HTR2C: variants seen among roughly 807,000 people sequenced by gnomAD.
The protein encoded by HTR2C is 5-hydroxytryptamine receptor 2C.
A neutral mutation model predicts 21.0 loss-of-function variants in HTR2C; 5 were observed. That is an observed-to-expected ratio of 0.24 (90% CI 0.12 to 0.50). The LOEUF (loss-of-function observed/expected upper bound fraction) is 0.50. Ranked by LOEUF, HTR2C falls within the 20% of genes least tolerant of loss-of-function variation. The probability of loss-of-function intolerance (pLI) is 0.98; values close to 1 mark genes in which losing one functional copy is unlikely to be tolerated. For missense variants in HTR2C, 271 were observed against 371.2 expected, an observed-to-expected ratio of 0.73 and a Z score of 2.22; for synonymous variants, 150 against 145.3, an observed-to-expected ratio of 1.03 and a Z score of -0.23.
rs782209925 is a variant in HTR2C, at chrX:114,671,050, G to T, written c.-79-55808G>T. 7.2e-5 allele frequency among the ~76,000 whole-genome samples: 8 copies of T among 111,798 alleles called. 1 individual carries two copies. In the East Asian group the frequency reaches 2.2e-3, roughly 31 times the overall value. ...ATCATCACACTTATGTCATTTATTT[G>T]ATTTGTGAAACATTTTGGATCAATA... On this transcript the variant is annotated intron_variant, in intron 2 of 5. Coordinates refer to ENST00000276198, the MANE Select transcript of HTR2C (RefSeq NM_000868.4).
Position 114,802,267 on chromosome X carries a change from A to T in HTR2C, c.350-45736A>T, listed in dbSNP as rs903855124. Among the ~76,000 whole-genome samples, 8 of 111,327 alleles carry T rather than the reference A, an allele frequency of 7.2e-5. No homozygotes were observed. In the East Asian group the frequency reaches 2.3e-3, roughly 32 times the overall value. ...TGCATGAAGTTCCAAATACAAGATC[A>T]TGAACTTTCTTATCTATCTCTTTTA... On this transcript the variant is annotated intron_variant, in intron 4 of 5. Coordinates refer to ENST00000276198, the MANE Select transcript of HTR2C (RefSeq NM_000868.4).
At chrX:114,899,642 G>T (rs2071322558) in intron 5 of HTR2C, among the ~76,000 whole-genome samples, 1 of 107,751 alleles carries the variant, frequency 9.3e-6, no homozygotes, top group African/African-American at 3.7e-5. Flanking sequence ...GCTCTGTGTT[G>T]CTCCCAGGTG....
chrX:114,771,693 C>T (rs1041603809), intron 4 of HTR2C, among the ~76,000 whole-genome samples: 10 of 111,639 alleles, frequency 9.0e-5, no homozygotes, highest in East Asian at 2.8e-4. Flanking sequence ...TTGCCATTAC[C>T]GATGTATTCC....
intron 1 of HTR2C, among the ~76,000 whole-genome samples, chrX:114,592,552 C>T (rs1184401212): frequency 1.8e-5 from 2 of 111,728 alleles, no homozygotes; most frequent in Non-Finnish European, 3.8e-5. Flanking sequence ...CACTCTATCC[C>T]TTCTCCCAGA....
chrX:114,792,987 T>C (rs1381063337), intron 4 of HTR2C, among the ~76,000 whole-genome samples: 2 of 112,106 alleles, frequency 1.8e-5, no homozygotes, highest in Non-Finnish European at 3.8e-5. Context: ...CTTGTTCATT[T>C]AAGTTCCTTT....
chrX:114,604,172 C>T (rs1190273088), intron 1 of HTR2C, among the ~76,000 whole-genome samples: 18 of 108,354 alleles, frequency 1.7e-4, no homozygotes, highest in East Asian at 3.0e-4. Flanking sequence ...AAGAGGAGGA[C>T]GCAAAGGAGG....
chrX:114,757,624 A>G (rs782814019), intron 4 of HTR2C, among the ~76,000 whole-genome samples: 20 of 111,842 alleles, frequency 1.8e-4, no homozygotes, highest in Non-Finnish European at 3.8e-4. Context: ...AAGCCACCCA[A>G]TAAAAACTAA....
intron 2 of HTR2C, among the ~76,000 whole-genome samples, chrX:114,649,107 C>T (rs1930463527): frequency 9.0e-6 from 1 of 111,660 alleles, no homozygotes. Flanking sequence ...CTCCCTTTTG[C>T]CCCCAATTAT....
At chrX:114,870,235 G>A (rs1556475985) in intron 5 of HTR2C, among the ~76,000 whole-genome samples, 1 of 110,055 alleles carries the variant, frequency 9.1e-6, no homozygotes, top group Non-Finnish European at 1.9e-5. Context: ...CTACAGGCAT[G>A]CACCACCACA....
chrX:114,597,774 A>T (rs1271059620), intron 1 of HTR2C, among the ~76,000 whole-genome samples: 2 of 112,033 alleles, frequency 1.8e-5, no homozygotes, highest in Non-Finnish European at 3.8e-5. Flanking sequence ...ATGCTACACT[A>T]GTTTAGCTAA....
At chrX:114,886,387 T>C (rs1017097876) in intron 5 of HTR2C, among the ~76,000 whole-genome samples, 1 of 111,147 alleles carries the variant, frequency 9.0e-6, no homozygotes, top group Non-Finnish European at 1.9e-5. Flanking sequence ...CCATGTTACA[T>C]TTTGTTTCTA....
At chrX:114,730,275 G>T (rs1424683866) in intron 3 of HTR2C, among the ~76,000 whole-genome samples, 2 of 111,954 alleles carry the variant, frequency 1.8e-5, no homozygotes, top group African/African-American at 3.2e-5. Context: ...TCTGGCAATA[G>T]CCTGCCACCT....
chrX:114,755,794 A>T (rs782341874), intron 4 of HTR2C, among the ~76,000 whole-genome samples: 1 of 111,848 alleles, frequency 8.9e-6, no homozygotes, highest in East Asian at 2.8e-4. Flanking sequence ...CATTGTACAG[A>T]ATATAAAAGA....
intron 4 of HTR2C, among the ~76,000 whole-genome samples, chrX:114,786,788 G>T (rs1460323301): frequency 9.0e-6 from 1 of 111,574 alleles, no homozygotes; most frequent in Non-Finnish European, 1.9e-5. Context: ...ATAGTCCAGT[G>T]TAACAGCCTA....
rs187154352 is a variant in HTR2C at position 114,768,791 on chromosome X, T to C, written c.349+37184T>C. Among the ~76,000 whole-genome samples, 751 of 111,785 alleles carry C rather than the reference T, an allele frequency of 6.7e-3. 1 individual carries two copies. Among genetic ancestry groups the C allele is most frequent in the South Asian group, 0.023 (63 of 2,772 alleles). On this transcript the variant is annotated intron_variant, in intron 4 of 5. Transcript: ENST00000276198. ...AGTGACTCATAATATTGTTTACACA[T>C]AATTTGTAAGCTCTATTTAATTACT...
intron 2 of HTR2C, among the ~76,000 whole-genome samples, chrX:114,698,410 T>C (rs1412578705): frequency 1.8e-5 from 2 of 109,640 alleles, no homozygotes; most frequent in Non-Finnish European, 3.8e-5. Flanking sequence ...TGAAATGCGT[T>C]GTTCTGTGCA....
At chrX:114,825,868 G>A (rs1357482551) in intron 4 of HTR2C, among the ~76,000 whole-genome samples, 4 of 110,700 alleles carry the variant, frequency 3.6e-5, no homozygotes, top group African/African-American at 9.9e-5. Flanking sequence ...ATATTCCCTC[G>A]ATGAATTGAC....
intron 2 of HTR2C, among the ~76,000 whole-genome samples, chrX:114,694,341 T>C (rs1441366283): frequency 9.2e-6 from 1 of 108,915 alleles, no homozygotes; most frequent in Non-Finnish European, 1.9e-5. Context: ...ACAATTAATA[T>C]TTCGAACACC....
chrX:114,594,097 C>A (rs1927738669), intron 1 of HTR2C, among the ~76,000 whole-genome samples: 1 of 111,475 alleles, frequency 9.0e-6, no homozygotes, highest in South Asian at 3.7e-4. Context: ...TAATAAGTAA[C>A]ATTCATTTTA....
Sources: allele counts gnomAD v4.1 joint callset (sites outside exome capture counted in the v4.1 genomes callset), GRCh38; gene constraint gnomAD v4.1.1; transcripts MANE v1.5; gene names NCBI Gene and HGNC (gene_info 2026-07-23, HGNC 2026-07-21).